Variants in BMPR1A observed in about 807,000 individuals in gnomAD.
BMPR1A encodes bone morphogenetic protein receptor type 1A, also known as bone morphogenetic protein receptor type-1A.
BMPR1A carries 7 observed loss-of-function variants against 66.0 expected under a neutral mutation model. That is an observed-to-expected ratio of 0.11 (90% CI 0.06 to 0.20). The LOEUF (loss-of-function observed/expected upper bound fraction) is 0.20, where lower values mean the gene tolerates loss of function less well. BMPR1A is among the 10% of genes least tolerant of loss of function. BMPR1A has a pLI of 1.00. For missense variants in BMPR1A, 408 were observed against 669.1 expected (o/e 0.61, Z 4.31); for synonymous variants, 200 against 229.7 (o/e 0.87, Z 1.17).
At chr10:86,855,777 T>TGCACCAAATTC in intron 2 of BMPR1A, 1 of 1,141,472 alleles carries the variant, frequency 8.8e-7, no homozygotes, top group Non-Finnish European at 1.2e-6. Flanking sequence ...AGCTGTCGTC[T>TGCACCAAATTC]AATACTTGTT....
intron 1 of BMPR1A, among the ~76,000 whole-genome samples, chr10:86,836,829 A>T (rs971540985): frequency 1.3e-5 from 2 of 152,110 alleles, no homozygotes; most frequent in African/African-American, 2.4e-5. Context: ...GCTACTCGGG[A>T]GGCTGAGGCC....
intron 7 of BMPR1A, among the ~76,000 whole-genome samples, chr10:86,900,909 T>C (rs929621563): frequency 6.6e-6 from 1 of 152,242 alleles, no homozygotes; most frequent in Non-Finnish European, 1.5e-5. Context: ...CCAGTGATTC[T>C]CACTGCCTGG....
chr10:86,768,926 T>C (rs546418962), intron 1 of BMPR1A, among the ~76,000 whole-genome samples: 71 of 94,016 alleles, frequency 7.6e-4, no homozygotes, highest in African/African-American at 4.2e-3. Context: ...TGCTTAACAC[T>C]GTGCTTGCCA....
At chr10:86,760,239 TCTTTC>T (rs1841025727) in intron 1 of BMPR1A, among the ~76,000 whole-genome samples, 3 of 108,424 alleles carry the variant, frequency 2.8e-5, no homozygotes, top group Admixed American at 1.0e-4. Flanking sequence ...TTTCTTTCTT[TCTTTC>T]TTTCTTTTTT....
At chr10:86,882,463 A>G (rs1350970405) in intron 3 of BMPR1A, among the ~76,000 whole-genome samples, 1 of 151,966 alleles carries the variant, frequency 6.6e-6, no homozygotes, top group Non-Finnish European at 1.5e-5. Flanking sequence ...TTCATTTCAA[A>G]CATATATATG....
chr10:86,914,267 G>T (rs1369096715), intron 8 of BMPR1A, among the ~76,000 whole-genome samples: 1 of 152,144 alleles, frequency 6.6e-6, no homozygotes, highest in Non-Finnish European at 1.5e-5. Flanking sequence ...AACTTGAAAT[G>T]TAGCATAGAC....
Position 86,926,960 on chromosome 10 carries a change from C to T in BMPR1A, c.*3241C>T, listed in dbSNP as rs73351802. 0.014 allele frequency: 2,575 copies of T among 189,570 alleles called. 67 individuals are homozygous for T. Among genetic ancestry groups the T allele is most frequent in the African/African-American group, 0.057 (2,434 of 42,966 alleles). 11.7% of individuals were successfully genotyped at this position (189,570 alleles called of 1,614,324 possible). On this transcript the variant is annotated 3_prime_UTR_variant, in exon 13 of 13. Coordinates refer to ENST00000372037, the MANE Select transcript of BMPR1A (RefSeq NM_004329.3). ...ACTGTGCTTTTTACTGAACAAGTTT[C>T]TGATGTATAAAACTTGCATCTGATT...
chr10:86,865,020 T>C (rs1842765187), intron 2 of BMPR1A, among the ~76,000 whole-genome samples: 1 of 152,206 alleles, frequency 6.6e-6, no homozygotes, highest in African/African-American at 2.4e-5. Flanking sequence ...TATTTTGTTT[T>C]ATTTTTCCTA....
chr10:86,886,605 A>G (rs368538341), intron 3 of BMPR1A, among the ~76,000 whole-genome samples: 114 of 152,322 alleles, frequency 7.5e-4, no homozygotes, highest in African/African-American at 2.7e-3. Context: ...GAGGGGGTAC[A>G]TCCAGGAACC....
At chr10:86,766,703 C>G (rs1028501683) in intron 1 of BMPR1A, among the ~76,000 whole-genome samples, 7 of 150,260 alleles carry the variant, frequency 4.7e-5, no homozygotes, top group Non-Finnish European at 1.0e-4. Flanking sequence ...GCAAGCTCCG[C>G]CTCCTGGGTT....
intron 5 of BMPR1A, among the ~76,000 whole-genome samples, chr10:86,897,284 TG>T (rs976212812): frequency 2.0e-5 from 3 of 152,176 alleles, no homozygotes; most frequent in Admixed American, 2.0e-4. Context: ...AAAATTGACT[TG>T]GGCAGAGGGT....
chr10:86,911,795 A>G (rs1306242268), intron 7 of BMPR1A, among the ~76,000 whole-genome samples: 2 of 152,174 alleles, frequency 1.3e-5, no homozygotes, highest in Non-Finnish European at 2.9e-5. Flanking sequence ...GTTCACAGAA[A>G]AAAAAAAGCT....
intron 2 of BMPR1A, among the ~76,000 whole-genome samples, chr10:86,859,885 C>G (rs928347457): frequency 6.6e-6 from 1 of 152,160 alleles, no homozygotes; most frequent in Admixed American, 6.5e-5. Flanking sequence ...CAAAACCTCC[C>G]TTAGACCTAG....
chr10:86,879,310 C>T (rs912338223), intron 3 of BMPR1A, among the ~76,000 whole-genome samples: 1 of 152,214 alleles, frequency 6.6e-6, no homozygotes, highest in Non-Finnish European at 1.5e-5. Flanking sequence ...CCCATTCACT[C>T]ACTTCCTCTC....
chr10:86,821,863 A>T (rs1842124896), intron 1 of BMPR1A, among the ~76,000 whole-genome samples: 1 of 151,472 alleles, frequency 6.6e-6, no homozygotes, highest in Non-Finnish European at 1.5e-5. Flanking sequence ...GAGTGCAGTG[A>T]CACAATCATG....
intron 1 of BMPR1A, among the ~76,000 whole-genome samples, chr10:86,760,159 T>G (rs1841015406): frequency 6.6e-6 from 1 of 150,936 alleles, no homozygotes; most frequent in African/African-American, 2.4e-5. Flanking sequence ...AATGAAATAT[T>G]TTCTGTGGTA....
intron 1 of BMPR1A, among the ~76,000 whole-genome samples, chr10:86,826,979 G>A (rs1205050229): frequency 7.3e-6 from 1 of 137,542 alleles, no homozygotes; most frequent in African/African-American, 2.5e-5. Context: ...ATCTTACAAG[G>A]ATCTATCTAC....
Position 86,884,394 on chromosome 10 carries a change from A to ATTTTT in BMPR1A, c.68-5635_68-5631dup, listed in dbSNP as rs759424209. On this transcript the variant is annotated intron_variant, in intron 3 of 12. Transcript: ENST00000372037. ...AGCCACCATGCCTGGCAAACACATG[A>ATTTTT]TTTTTTTTTTTTTTTTTTTTTTTTT... 3.9e-4 allele frequency among the ~76,000 whole-genome samples: 19 copies of ATTTTT among 49,328 alleles called. 4 individuals carry two copies. Among genetic ancestry groups the ATTTTT allele is most frequent in the Middle Eastern group, 0.014 (1 of 70 alleles). The allele number at this position is 49,328 out of a possible 152,430, so 32.4% of individuals were successfully genotyped here.
intron 3 of BMPR1A, among the ~76,000 whole-genome samples, chr10:86,883,125 T>C (rs945520598): frequency 6.6e-6 from 1 of 152,186 alleles, no homozygotes; most frequent in Non-Finnish European, 1.5e-5. Context: ...TCTACCCCCA[T>C]GCACTTCTCC....
Sources: allele counts gnomAD v4.1 joint callset (sites outside exome capture counted in the v4.1 genomes callset), GRCh38; gene constraint gnomAD v4.1.1; transcripts MANE v1.5; gene names NCBI Gene and HGNC (gene_info 2026-07-23, HGNC 2026-07-21).